SH3RF3: variants seen among roughly 807,000 people sequenced by gnomAD.
SH3RF3 encodes the protein SH3 domain containing ring finger 3, also known as E3 ubiquitin-protein ligase SH3RF3.
Under a neutral mutation model 66.3 loss-of-function variants are expected in SH3RF3, and 29 were observed. That is an observed-to-expected ratio of 0.44 (90% CI 0.33 to 0.60). SH3RF3 has a LOEUF of 0.60. Among genes scored for constraint, SH3RF3 ranks in the 20% least tolerant of loss-of-function variants. The probability of loss-of-function intolerance (pLI) is 0.04; values close to 1 mark genes in which losing one functional copy is unlikely to be tolerated. For synonymous variants in SH3RF3, 583 were observed against 532.0 expected (o/e 1.10, Z -1.32); for missense variants, 1,194 against 1,190.9 (o/e 1.00, Z -0.04).
chr2:109,396,519 C>G (rs892593155), intron 3 of SH3RF3, among the ~76,000 whole-genome samples: 1 of 152,192 alleles, frequency 6.6e-6, no homozygotes, highest in East Asian at 1.9e-4. Context: ...GATGGGGCCA[C>G]CCTTTATCAT....
chr2:109,380,217 C>T (rs1464484012), intron 3 of SH3RF3, among the ~76,000 whole-genome samples: 1 of 152,160 alleles, frequency 6.6e-6, no homozygotes, highest in Non-Finnish European at 1.5e-5. Context: ...CCTGATTTCT[C>T]TCTTCTTAAG....
Position 109,398,797 on chromosome 2 carries a change from C to T in SH3RF3, c.1153C>T (p.Leu385Phe). The change falls in exon 4 of 10, where the codon CTC becomes TTC. Residue 385 changes from leucine (L) to phenylalanine (F), a missense_variant. Transcript: ENST00000309415. The part of the protein sequence containing the change: ...NTKKRHSFTA[L>F]SVTHRSSQAA... The stretch of plus-strand genomic sequence containing the variant: ...CAAGAAACGCCACTCCTTCACCGCG[C>T]TCAGTGTGACGCACAGATCCTCCCA... 2 of 1,613,848 alleles carry T rather than the reference C, an allele frequency of 1.2e-6. No individual in the cohort carries two copies. The highest frequency in any genetic ancestry group is 1.7e-6 in the Non-Finnish European group (2 of 1,179,842).
intron 1 of SH3RF3, among the ~76,000 whole-genome samples, chr2:109,334,017 T>C (rs889817262): frequency 1.3e-4 from 20 of 152,158 alleles, no homozygotes; most frequent in Non-Finnish European, 2.8e-4. Flanking sequence ...TCTAAGACTT[T>C]AGGAAAGTCC....
At chr2:109,209,983 G>GT (rs1678932317) in intron 1 of SH3RF3, among the ~76,000 whole-genome samples, 1 of 152,030 alleles carries the variant, frequency 6.6e-6, no homozygotes, top group African/African-American at 2.4e-5. Flanking sequence ...TCCACGCTCA[G>GT]CCCCCCCAGT....
At chr2:109,385,487 T>G (rs1229877510) in intron 3 of SH3RF3, among the ~76,000 whole-genome samples, 1 of 152,222 alleles carries the variant, frequency 6.6e-6, no homozygotes, top group Non-Finnish European at 1.5e-5. Flanking sequence ...CTCTTGAAAA[T>G]ACAATTTGGA....
intron 8 of SH3RF3, among the ~76,000 whole-genome samples, chr2:109,487,500 C>T (rs545245684): frequency 6.6e-6 from 1 of 152,342 alleles, no homozygotes; most frequent in East Asian, 1.9e-4. Flanking sequence ...GGTTTTCTAG[C>T]CATGACATCA....
At chr2:109,432,750 G>A in intron 6 of SH3RF3, 79 bp downstream of exon 6, 2 of 1,505,468 alleles carry the variant, frequency 1.3e-6, no homozygotes, top group Non-Finnish European at 8.9e-7. Context: ...ACTGCTGGAG[G>A]CTACTCTGTC....
rs183728411 is a variant in SH3RF3, at chr2:109,458,635, A to C, written c.2148+9146A>C. Among the ~76,000 whole-genome samples, 22 of 128,106 alleles carry C rather than the reference A, an allele frequency of 1.7e-4. No individual in the cohort carries two copies. The East Asian group carries it at 4.7e-3, about 27-fold the overall frequency. 84.0% of individuals were successfully genotyped at this position (128,106 alleles called of 152,430 possible). A position where few individuals can be genotyped will look rare whatever the true frequency, so the allele number is the denominator to read the frequency against. On this transcript the variant is annotated intron_variant, in intron 8 of 9. Coordinates refer to ENST00000309415, the MANE Select transcript of SH3RF3 (RefSeq NM_001099289.3). ...ATTTTAAGGAATTATGTGACTGTGG[A>C]GGCTGGCAAGCCTGAATTCTGTGGG...
intron 1 of SH3RF3, among the ~76,000 whole-genome samples, chr2:109,167,019 A>C (rs1221677444): frequency 6.6e-6 from 1 of 152,200 alleles, no homozygotes; most frequent in East Asian, 1.9e-4. Context: ...CTAAAAGAAC[A>C]ATACACACCA....
intron 8 of SH3RF3, among the ~76,000 whole-genome samples, chr2:109,462,929 C>T (rs1678243871): frequency 6.6e-6 from 1 of 152,196 alleles, no homozygotes; most frequent in South Asian, 2.1e-4. Flanking sequence ...GTCCAGCTGT[C>T]CCTGAAAAGT....
At chr2:109,155,054 T>C (rs1378847072) in intron 1 of SH3RF3, among the ~76,000 whole-genome samples, 1 of 152,216 alleles carries the variant, frequency 6.6e-6, no homozygotes, top group Non-Finnish European at 1.5e-5. Context: ...GGTGTGCTCA[T>C]GGAAGCTGGG....
At chr2:109,140,948 A>G (rs1053992369) in intron 1 of SH3RF3, among the ~76,000 whole-genome samples, 1 of 151,992 alleles carries the variant, frequency 6.6e-6, no homozygotes, top group Non-Finnish European at 1.5e-5. Flanking sequence ...CATAACCCCC[A>G]CCTTCCATCC....
chr2:109,504,141 A>C lies in SH3RF3; in HGVS notation c.*2470A>C, dbSNP rs1193844842. On this transcript the variant is annotated 3_prime_UTR_variant, in exon 10 of 10. Transcript: ENST00000309415. Reference sequence around the variant, plus strand: ...GCTCGCAGAGAAGAGCAGGAGCAGAATTAGCCCTTTCTTCAGGCCATCTTG... The same window carrying C: ...GCTCGCAGAGAAGAGCAGGAGCAGACTTAGCCCTTTCTTCAGGCCATCTTG... The C allele has an allele frequency of 6.6e-6, 1 of 152,250 alleles. No individual in the cohort carries two copies. The highest frequency in any genetic ancestry group is 1.5e-5 in the Non-Finnish European group (1 of 68,048). 9.4% of individuals were successfully genotyped at this position (152,250 alleles called of 1,614,324 possible).
At chr2:109,269,504 G>T (rs1313834780) in intron 1 of SH3RF3, among the ~76,000 whole-genome samples, 1 of 152,206 alleles carries the variant, frequency 6.6e-6, no homozygotes, top group Non-Finnish European at 1.5e-5. Context: ...TGCCAAGCCA[G>T]GCGTGGTGGC....
chr2:109,189,095 T>G lies in SH3RF3; in HGVS notation c.573+58982T>G, dbSNP rs1374865776. On this transcript the variant is annotated intron_variant, in intron 1 of 9. Coordinates refer to ENST00000309415, the MANE Select transcript of SH3RF3 (RefSeq NM_001099289.3). Reference sequence around the variant, plus strand: ...ACTCACTCCCCCTGAAGCCACTCTCTGAGAGAGATGCCTCCACTGCCTTGC... The same window carrying G: ...ACTCACTCCCCCTGAAGCCACTCTCGGAGAGAGATGCCTCCACTGCCTTGC... Among the ~76,000 whole-genome samples the G allele has an allele frequency of 2.6e-5, 4 of 152,224 alleles. No homozygotes were observed. In the East Asian group the frequency reaches 7.7e-4, roughly 29 times the overall value.
chr2:109,470,890 A>G (rs1352178202), intron 8 of SH3RF3, among the ~76,000 whole-genome samples: 1 of 152,238 alleles, frequency 6.6e-6, no homozygotes, highest in Non-Finnish European at 1.5e-5. Flanking sequence ...AGGCAGAGTC[A>G]GTGTATTAGT....
chr2:109,442,852 A>G (rs10205142), intron 7 of SH3RF3, among the ~76,000 whole-genome samples: 2,447 of 152,382 alleles, frequency 0.016, 58 homozygotes, highest in African/African-American at 0.054. Flanking sequence ...AAACCTAATC[A>G]TGTAAGTAAT....
chr2:109,236,854 C>T (rs547836046), intron 1 of SH3RF3, among the ~76,000 whole-genome samples: 9 of 152,250 alleles, frequency 5.9e-5, no homozygotes, highest in Middle Eastern at 3.4e-3. Flanking sequence ...GTACAGTCTC[C>T]GGCTGTGAAA....
chr2:109,356,006 A>AT (rs1682938771), intron 2 of SH3RF3, among the ~76,000 whole-genome samples: 2 of 152,178 alleles, frequency 1.3e-5, no homozygotes, highest in East Asian at 1.9e-4. Flanking sequence ...TTTCCAGAAC[A>AT]CACCAGATTT....
Sources: gnomAD v4.1 joint callset for allele counts (sites outside exome capture counted in the v4.1 genomes callset) on GRCh38, gnomAD v4.1.1 for gene constraint, MANE v1.5 for transcripts, NCBI Gene and HGNC (gene_info 2026-07-23, HGNC 2026-07-21) for gene names.